MINK1: variants seen among roughly 807,000 people sequenced by gnomAD.
The protein encoded by MINK1 is misshapen like kinase 1.
MINK1 carries 46 observed loss-of-function variants against 178.4 expected under a neutral mutation model. The ratio of observed to expected loss-of-function variants is 0.26; its 90% CI spans 0.20 to 0.33. MINK1 has a LOEUF of 0.33. Among genes scored for constraint, MINK1 ranks in the 10% least tolerant of loss-of-function variants. The probability of loss-of-function intolerance (pLI) is 1.00; values close to 1 mark genes in which losing one functional copy is unlikely to be tolerated. For missense variants in MINK1, 1,366 were observed against 1,814.9 expected (o/e 0.75, Z 4.49); for synonymous variants, 797 against 709.7 (o/e 1.12, Z -1.96).
chr17:4,835,459 C>A (rs1168100543), intron 1 of MINK1, among the ~76,000 whole-genome samples: 11 of 152,072 alleles, frequency 7.2e-5, no homozygotes, highest in Admixed American at 7.2e-4. Flanking sequence ...AAACCCCATC[C>A]TTACTAAAAA....
At chr17:4,840,499 G>C (rs1414038982) in intron 1 of MINK1, among the ~76,000 whole-genome samples, 1 of 150,390 alleles carries the variant, frequency 6.6e-6, no homozygotes, top group Non-Finnish European at 1.5e-5. Context: ...CTGGGTCCTG[G>C]GTCTGTAGTT....
At chr17:4,852,643 G>A (rs1912171921) in intron 1 of MINK1, among the ~76,000 whole-genome samples, 1 of 148,110 alleles carries the variant, frequency 6.8e-6, no homozygotes, top group Non-Finnish European at 1.5e-5. Flanking sequence ...CATGAGAATT[G>A]GCAAGGCTCC....
chr17:4,896,460 T>C lies in MINK1; in HGVS notation c.3647T>C (p.Ile1216Thr). ...AGCCAGATCACGCCCCATGCCATCATCTTCCTCCCCAACACCGACGGCATG... is the reference window on the plus strand; with the variant it reads ...AGCCAGATCACGCCCCATGCCATCACCTTCCTCCCCAACACCGACGGCATG... ...IQSQITPHAI[I>T]FLPNTDGMEM... The change falls in exon 30 of 32, where the codon ATC becomes ACC. Residue 1216 changes from isoleucine to threonine, a missense_variant. Physicochemically the swap from Ile to Thr is moderately conservative, Grantham distance 89 (BLOSUM62 -1). Coordinates refer to ENST00000355280, the MANE Select transcript of MINK1 (RefSeq NM_153827.5). This position sits in a 1 kb window ranked among gnomAD's most constrained non-coding sequence, Gnocchi z 4.6. 1.2e-6 allele frequency: 2 copies of C among 1,613,912 alleles called. No individual in the cohort carries two copies. The highest frequency in any genetic ancestry group is 1.7e-6 in the Non-Finnish European group (2 of 1,179,862).
intron 1 of MINK1, among the ~76,000 whole-genome samples, chr17:4,869,652 G>A (rs965209979): frequency 1.3e-5 from 2 of 151,832 alleles, no homozygotes; most frequent in Non-Finnish European, 2.9e-5. Flanking sequence ...AGTTTTTTGA[G>A]GAACCTGCTT....
At chr17:4,858,141 G>T (rs1182222155) in intron 1 of MINK1, among the ~76,000 whole-genome samples, 1 of 152,054 alleles carries the variant, frequency 6.6e-6, no homozygotes, top group Non-Finnish European at 1.5e-5. Context: ...GGTGTTTTGG[G>T]GTGTCTTTAA....
intron 1 of MINK1, among the ~76,000 whole-genome samples, chr17:4,845,264 T>C (rs1910846536): frequency 6.6e-6 from 1 of 152,264 alleles, no homozygotes; most frequent in Non-Finnish European, 1.5e-5. Flanking sequence ...ACAAGAGGAT[T>C]GGGCAGCAGC....
intron 2 of MINK1, 146 bp from the exon 3 acceptor site, chr17:4,880,838 G>T (rs1321089150): frequency 5.9e-6 from 4 of 672,812 alleles, no homozygotes; most frequent in Middle Eastern, 4.6e-4. Flanking sequence ...AGGTGGAGCA[G>T]GCAGTGAGCC....
chr17:4,843,944 G>A (rs1487501490), intron 1 of MINK1, among the ~76,000 whole-genome samples: 1 of 152,128 alleles, frequency 6.6e-6, no homozygotes, highest in South Asian at 2.1e-4. Context: ...CAGGAGGGCA[G>A]TGTGTAGCTG....
intron 1 of MINK1, chr17:4,834,888 T>C (rs944922955): frequency 7.3e-5 from 38 of 519,762 alleles, no homozygotes; most frequent in Non-Finnish European, 1.3e-4. Flanking sequence ...GCCCCGGATA[T>C]GGCTGGAGGG....
At chr17:4,874,975 G>A (rs1967048630) in intron 1 of MINK1, 8 of 498,320 alleles carry the variant, frequency 1.6e-5, no homozygotes, top group Non-Finnish European at 3.2e-5. Flanking sequence ...GCTCTAACAG[G>A]CCCACGGTAT....
In MINK1 at chr17:4,893,052, G is replaced by A; in HGVS notation, c.2385G>A (p.Arg795=). ...NKAKPDDHRS[R]PGRPADFVLL... ...CCAAGCCCGACGACCACCGCTCACG[G>A]CCAGGCCGGCCCGCAGTGAGTCACC... Residue 795 remains arginine, a synonymous_variant, in exon 20 of 32, where the codon CGG becomes CGA. Transcript: ENST00000355280. 6.4e-7 allele frequency: 1 copy of A among 1,566,434 alleles called. No individual in the cohort carries two copies. Among genetic ancestry groups the A allele is most frequent in the African/African-American group, 1.4e-5 (1 of 73,474 alleles).
Position 4,888,047 on chromosome 17 carries a change from C to T in MINK1, c.1230+257C>T, listed in dbSNP as rs921502822. On this transcript the variant is annotated intron_variant, in intron 12 of 31. Coordinates refer to ENST00000355280, the MANE Select transcript of MINK1 (RefSeq NM_153827.5). Reference sequence around the variant, plus strand: ...CCTGGCCAACATGGTGAAACCCCATCTCTACTAATAATACAAAAATTAGCC... The same window carrying T: ...CCTGGCCAACATGGTGAAACCCCATTTCTACTAATAATACAAAAATTAGCC... Among the ~76,000 whole-genome samples, 11 of 152,242 alleles carry T rather than the reference C, an allele frequency of 7.2e-5. No homozygotes were observed. The East Asian group carries it at 2.1e-3, about 29-fold the overall frequency.
At chr17:4,870,599 C>T (rs1309573854) in intron 1 of MINK1, among the ~76,000 whole-genome samples, 4 of 151,770 alleles carry the variant, frequency 2.6e-5, no homozygotes, top group South Asian at 2.1e-4. Context: ...CCAAGGCGGG[C>T]GGATCACTTG....
At position 4,885,345 on chromosome 17, in the gene MINK1, TA is replaced by T; in HGVS notation, c.509-135del. On this transcript the variant is annotated intron_variant, in intron 6 of 31. Coordinates refer to ENST00000355280, the MANE Select transcript of MINK1 (RefSeq NM_153827.5). This position sits in a 1 kb window ranked among gnomAD's most constrained non-coding sequence, Gnocchi z 5.0. ...CGGGTTCTTCAGGATGGTGGTGGGGTAAAGGAGGGTGCTGGGGTGTCTGGGT... is the reference window on the plus strand; with the variant it reads ...CGGGTTCTTCAGGATGGTGGTGGGGTAAGGAGGGTGCTGGGGTGTCTGGGT... 8.9e-7 allele frequency: 1 copy of T among 1,120,260 alleles called. No individual in the cohort carries two copies. Among genetic ancestry groups the T allele is most frequent in the Non-Finnish European group, 1.3e-6 (1 of 784,668 alleles). 69.4% of individuals were successfully genotyped at this position (1,120,260 alleles called of 1,614,324 possible).
At chr17:4,874,417 T>C (rs1304992870) in intron 1 of MINK1, among the ~76,000 whole-genome samples, 1 of 152,204 alleles carries the variant, frequency 6.6e-6, no homozygotes, top group African/African-American at 2.4e-5. Flanking sequence ...CTCTAAGCAT[T>C]GGGGAGCCCC....
At position 4,896,215 on chromosome 17, in the gene MINK1, G is replaced by A. The variant is rs1370638630; in HGVS notation, c.3488G>A (p.Arg1163His). 21 of 1,599,640 alleles carry A rather than the reference G, an allele frequency of 1.3e-5. No individual in the cohort carries two copies. The highest frequency in any genetic ancestry group is 4.5e-5 in the East Asian group (2 of 44,816). Residue 1163 changes from arginine to histidine, a missense_variant, in exon 29 of 32, where the codon CGC becomes CAC. Arg to His is a conservative substitution (Grantham distance 29, BLOSUM62 0). Coordinates refer to ENST00000355280, the MANE Select transcript of MINK1 (RefSeq NM_153827.5). The surrounding 1 kb of genome is among the most constrained non-coding windows in gnomAD (Gnocchi z 4.6). The stretch of plus-strand genomic sequence containing the variant: ...CAGTCCTTTGCCGACCTCCCCCACC[G>A]CCCTCTGCTGGTCGACCTGACAGTA... ...AFKSFADLPH[R>H]PLLVDLTVEE...
Position 4,894,842 on chromosome 17 carries a change from G to A in MINK1, c.2917+209G>A, listed in dbSNP as rs1054559022. 82 of 641,754 alleles carry A rather than the reference G, an allele frequency of 1.3e-4. No homozygotes were observed. Among genetic ancestry groups the A allele is most frequent in the Non-Finnish European group, 1.4e-4 (54 of 374,154 alleles). 39.8% of individuals were successfully genotyped at this position (641,754 alleles called of 1,614,324 possible). ...GACAGGAAATGCTCAGAGTTGCCAGGGGACCTGGGCAAAGACTCAAAGCTA... is the reference window on the plus strand; with the variant it reads ...GACAGGAAATGCTCAGAGTTGCCAGAGGACCTGGGCAAAGACTCAAAGCTA... On this transcript the variant is annotated intron_variant, in intron 24 of 31. Coordinates refer to ENST00000355280, the MANE Select transcript of MINK1 (RefSeq NM_153827.5). The surrounding 1 kb of genome is among the most constrained non-coding windows in gnomAD (Gnocchi z 4.1).
At chr17:4,844,825 A>G (rs1472958875) in intron 1 of MINK1, among the ~76,000 whole-genome samples, 1 of 152,186 alleles carries the variant, frequency 6.6e-6, no homozygotes, top group African/African-American at 2.4e-5. Flanking sequence ...CCACCCTTTA[A>G]AAATGTGTTG....
intron 1 of MINK1, among the ~76,000 whole-genome samples, chr17:4,854,159 C>T (rs1912648917): frequency 6.6e-6 from 1 of 152,180 alleles, no homozygotes; most frequent in East Asian, 1.9e-4. Flanking sequence ...TGTCCGTTGC[C>T]TTGCTGTGGC....
Sources: gnomAD v4.1 joint callset for allele counts (sites outside exome capture counted in the v4.1 genomes callset) on GRCh38, gnomAD v4.1.1 for gene constraint, Gnocchi (gnomAD v3.1) non-coding constraint, MANE v1.5 for transcripts, NCBI Gene and HGNC (gene_info 2026-07-23, HGNC 2026-07-21) for gene names.